Variants in MYO10 observed in about 807,000 individuals in gnomAD.
The protein encoded by MYO10 is myosin X, also known as unconventional myosin-X.
A neutral mutation model predicts 257.3 loss-of-function variants in MYO10; 133 were observed. The ratio of observed to expected loss-of-function variants is 0.52; its 90% CI spans 0.45 to 0.60. The LOEUF is 0.60. Among genes scored for constraint, MYO10 ranks in the 20% least tolerant of loss-of-function variants. MYO10 has a pLI of 0.00. For missense variants in MYO10, 2,399 were observed against 2,635.7 expected, an observed-to-expected ratio of 0.91 and a Z score of 1.97; for synonymous variants, 1,104 against 1,028.6, an observed-to-expected ratio of 1.07 and a Z score of -1.40.
At position 16,772,108 on chromosome 5, in the gene MYO10, T is replaced by C. The variant is rs1033097896; in HGVS notation, c.931-2905A>G. Among the ~76,000 whole-genome samples the C allele has an allele frequency of 7.2e-5, 11 of 152,128 alleles. 1 individual carries two copies. Among genetic ancestry groups the C allele is most frequent in the Middle Eastern group, 6.8e-3 (2 of 294 alleles). ...TTATTCTACAATTATACAAGTCAAA[T>C]ATAGTAAGTTATATGAATATTGCAT... On this transcript the variant is annotated intron_variant, in intron 9 of 40. Coordinates refer to ENST00000513610, the MANE Select transcript of MYO10 (RefSeq NM_012334.3).
At chr5:16,703,220 T>C in intron 22 of MYO10, 62 bp from the exon 23 acceptor site, 1 of 1,260,768 alleles carries the variant, frequency 7.9e-7, no homozygotes, top group Non-Finnish European at 1.1e-6. Flanking sequence ...GCTATTCAAA[T>C]GAGCTCACAT....
intron 18 of MYO10, among the ~76,000 whole-genome samples, chr5:16,755,258 C>T (rs1263793026): frequency 3.3e-5 from 5 of 152,314 alleles, no homozygotes; most frequent in East Asian, 1.9e-4. Context: ...CTCCGCCTCC[C>T]GGGCTCATGC....
intron 19 of MYO10, among the ~76,000 whole-genome samples, chr5:16,732,503 G>T (rs1739625027): frequency 6.6e-6 from 1 of 152,138 alleles, no homozygotes. Context: ...ATATTGAACA[G>T]GTCATCAGCT....
chr5:16,821,996 A>G (rs549862524), intron 2 of MYO10, among the ~76,000 whole-genome samples: 94 of 147,098 alleles, frequency 6.4e-4, no homozygotes, highest in Non-Finnish European at 1.1e-3. Context: ...AAAAAAAAAG[A>G]ATAGTAGAGA....
intron 3 of MYO10, among the ~76,000 whole-genome samples, chr5:16,804,327 C>T (rs1192338532): frequency 1.3e-5 from 2 of 152,332 alleles, no homozygotes; most frequent in Middle Eastern, 3.4e-3. Context: ...AGATTTCCCT[C>T]GGGGTCTTTA....
chr5:16,874,242 G>A (rs960334057), intron 2 of MYO10, among the ~76,000 whole-genome samples: 2 of 150,346 alleles, frequency 1.3e-5, no homozygotes, highest in African/African-American at 4.9e-5. Flanking sequence ...GCTGAGGCAG[G>A]AGAATGGTGT....
intron 2 of MYO10, among the ~76,000 whole-genome samples, chr5:16,820,032 G>C (rs1742750389): frequency 6.6e-6 from 1 of 152,244 alleles, no homozygotes; most frequent in African/African-American, 2.4e-5. Context: ...CTCATGGTAA[G>C]GTGGCCAACC....
chr5:16,813,833 A>G (rs1448376620), intron 3 of MYO10, among the ~76,000 whole-genome samples: 2 of 152,128 alleles, frequency 1.3e-5, no homozygotes, highest in Non-Finnish European at 2.9e-5. Context: ...GAGAAGGAGG[A>G]AAGATTTGAA....
intron 1 of MYO10, among the ~76,000 whole-genome samples, chr5:16,911,935 G>A (rs1385263276): frequency 6.6e-6 from 1 of 152,126 alleles, no homozygotes; most frequent in Non-Finnish European, 1.5e-5. Context: ...CTACTTGGGA[G>A]GCTGAGGCAG....
At chr5:16,800,823 A>T (rs183121262) in intron 3 of MYO10, among the ~76,000 whole-genome samples, 19 of 152,282 alleles carry the variant, frequency 1.2e-4, no homozygotes, top group Non-Finnish European at 2.6e-4. Flanking sequence ...GGGTATTGAA[A>T]AGTGTTTTCA....
chr5:16,751,479 CCTTT>C (rs1156498539), intron 19 of MYO10, among the ~76,000 whole-genome samples: 4 of 151,812 alleles, frequency 2.6e-5, no homozygotes, highest in African/African-American at 4.8e-5. Flanking sequence ...TTGCTGAGTG[CCTTT>C]ATTTTTTCAT....
At chr5:16,783,791 T>C (rs189036442) in intron 4 of MYO10, among the ~76,000 whole-genome samples, 2 of 152,342 alleles carry the variant, frequency 1.3e-5, no homozygotes, top group East Asian at 3.9e-4. Context: ...TTTTGTTCAC[T>C]AGTTCATCCC....
chr5:16,839,689 C>T (rs767145499), intron 2 of MYO10, among the ~76,000 whole-genome samples: 12 of 151,978 alleles, frequency 7.9e-5, no homozygotes, highest in Non-Finnish European at 1.3e-4. Context: ...TGCAGTGAGC[C>T]GAGATCGCAC....
At chr5:16,875,753 C>A (rs1744583141) in intron 2 of MYO10, among the ~76,000 whole-genome samples, 1 of 152,220 alleles carries the variant, frequency 6.6e-6, no homozygotes, top group Non-Finnish European at 1.5e-5. Flanking sequence ...AACCAAGTAG[C>A]CCGTCTGCCT....
At chr5:16,737,938 C>T (rs1028346366) in intron 19 of MYO10, among the ~76,000 whole-genome samples, 16 of 152,214 alleles carry the variant, frequency 1.1e-4, no homozygotes, top group Admixed American at 4.6e-4. Flanking sequence ...AGATAGCTGA[C>T]GCGGAAGGAA....
intron 27 of MYO10, among the ~76,000 whole-genome samples, chr5:16,694,156 G>T (rs1392126594): frequency 6.6e-6 from 1 of 152,178 alleles, no homozygotes; most frequent in Non-Finnish European, 1.5e-5. Context: ...TCTTCCAAAT[G>T]ACAGCCACAT....
Position 16,701,935 on chromosome 5 carries a change from G to T in MYO10, c.2557-97C>A. 7.3e-7 allele frequency: 1 copy of T among 1,366,692 alleles called. No homozygotes were observed. The highest frequency in any genetic ancestry group is 9.8e-7 in the Non-Finnish European group (1 of 1,019,304). 84.7% of individuals were successfully genotyped at this position (1,366,692 alleles called of 1,614,324 possible). ...CCAGGATGAAATATGGTCATTATGA[G>T]TTGGACTGTGTCCCCATAAAGTCTA... On this transcript the variant is annotated intron_variant, in intron 24 of 40. Transcript: ENST00000513610. This position sits in a 1 kb window ranked among gnomAD's most constrained non-coding sequence, Gnocchi z 8.1.
At chr5:16,813,792 C>T (rs904904444) in intron 3 of MYO10, among the ~76,000 whole-genome samples, 5 of 151,998 alleles carry the variant, frequency 3.3e-5, no homozygotes, top group Non-Finnish European at 7.4e-5. Context: ...TTCTTGGCTG[C>T]AGTCAGAGAG....
rs756108388 is a variant in MYO10, at chr5:16,666,804, G to A, written c.6076-11C>T. 4 of 1,587,384 alleles carry A rather than the reference G, an allele frequency of 2.5e-6. No individual in the cohort carries two copies. Among genetic ancestry groups the A allele is most frequent in the African/African-American group, 2.7e-5 (2 of 74,632 alleles). ...GGCCACATCCACCACCTGCCCAGGG[G>A]GAAGCAGAACCGACACAGCGTCACA... On this transcript the variant is annotated splice_polypyrimidine_tract_variant and intron_variant, in intron 40 of 40. Transcript: ENST00000513610.
Sources: gnomAD v4.1 joint callset for allele counts (sites outside exome capture counted in the v4.1 genomes callset) on GRCh38, gnomAD v4.1.1 for gene constraint, Gnocchi (gnomAD v3.1) non-coding constraint, MANE v1.5 for transcripts, NCBI Gene and HGNC (gene_info 2026-07-23, HGNC 2026-07-21) for gene names.